USP24: variants seen among roughly 807,000 people sequenced by gnomAD.
The protein encoded by USP24 is ubiquitin specific peptidase 24.
Under a neutral mutation model 361.6 loss-of-function variants are expected in USP24, and 97 were observed. That is an observed-to-expected ratio of 0.27 (90% CI 0.23 to 0.32). The LOEUF (loss-of-function observed/expected upper bound fraction) is 0.32. Among genes scored for constraint, USP24 ranks in the 10% least tolerant of loss-of-function variants. USP24 has a pLI of 1.00. For synonymous variants in USP24, 1,098 were observed against 1,124.6 expected, an observed-to-expected ratio of 0.98 and a Z score of 0.47; for missense variants, 2,353 against 3,165.6, an observed-to-expected ratio of 0.74 and a Z score of 6.16.
intron 20 of USP24, among the ~76,000 whole-genome samples, chr1:55,145,759 T>TA (rs1647011830): frequency 6.6e-6 from 1 of 152,292 alleles, no homozygotes; most frequent in South Asian, 2.1e-4. Context: ...TAAGAAATTT[T>TA]AAAAAGACAA....
At chr1:55,115,494 T>TAAAAAAAAAA (rs1419779121) in intron 38 of USP24, among the ~76,000 whole-genome samples, 6 of 1,638 alleles carry the variant, frequency 3.7e-3, no homozygotes, top group Non-Finnish European at 0.034. Context: ...AGACTCCGCC[T>TAAAAAAAAAA]CAAAAAAAAA....
At chr1:55,078,872 C>A (rs551064020) in intron 60 of USP24, among the ~76,000 whole-genome samples, 61 of 150,176 alleles carry the variant, frequency 4.1e-4, no homozygotes, top group African/African-American at 1.4e-3. Context: ...TTTCAGGAGT[C>A]GTTTCCATCA....
chr1:55,116,351 GA>G (rs530488795), intron 38 of USP24, among the ~76,000 whole-genome samples: 5,378 of 141,966 alleles, frequency 0.038, 296 homozygotes, highest in African/African-American at 0.13. Flanking sequence ...ATACCAAAAA[GA>G]AAAAAAAAAA....
In USP24 at chr1:55,124,685, A is replaced by G. The variant is rs377259181; in HGVS notation, c.3961-57T>C. ...GCAATACTTGAACACATGCCCTGAC[A>G]TGTACAACCTTCTTACAGGTCTCAG... On this transcript the variant is annotated intron_variant, in intron 34 of 67. Coordinates refer to ENST00000294383, the MANE Select transcript of USP24 (RefSeq NM_015306.3). 2,337 of 1,585,204 alleles carry G rather than the reference A, an allele frequency of 1.5e-3. 41 individuals are homozygous for G. In the South Asian group the frequency reaches 0.024, roughly 16 times the overall value.
chr1:55,213,137 C>A lies in USP24; in HGVS notation c.324+1653G>T, dbSNP rs1644889431. Among the ~76,000 whole-genome samples, 5 of 152,166 alleles carry A rather than the reference C, an allele frequency of 3.3e-5. No individual in the cohort carries two copies. The South Asian group carries it at 1.0e-3, about 32-fold the overall frequency. Reference sequence around the variant, plus strand: ...ATACAAACACCTTCTGAAAAAGCAACGGCTTTCTTCTTGATTTCAAAACTG... The same window carrying A: ...ATACAAACACCTTCTGAAAAAGCAAAGGCTTTCTTCTTGATTTCAAAACTG... On this transcript the variant is annotated intron_variant, in intron 1 of 67. Coordinates refer to ENST00000294383, the MANE Select transcript of USP24 (RefSeq NM_015306.3).
At chr1:55,180,579 A>C (rs1469178677) in intron 1 of USP24, among the ~76,000 whole-genome samples, 3 of 152,128 alleles carry the variant, frequency 2.0e-5, no homozygotes, top group Non-Finnish European at 4.4e-5. Flanking sequence ...TCCCCACAGA[A>C]TCTACGGGCA....
chr1:55,107,275 G>A lies in USP24; in HGVS notation c.4726C>T (p.Leu1576Phe), dbSNP rs908974881. The change falls in exon 40 of 68, where the codon CTT (leucine) becomes TTT (phenylalanine). Residue 1576 changes from leucine to phenylalanine, a missense_variant. Leu to Phe is a conservative substitution (Grantham distance 22). Coordinates refer to ENST00000294383, the MANE Select transcript of USP24 (RefSeq NM_015306.3). ...TTTTCTGCCCCACAGAGTGAAAGAAGGGTCTTGATGAGGCGTAAGTGCCCT... is the reference window on the plus strand; with the variant it reads ...TTTTCTGCCCCACAGAGTGAAAGAAAGGTCTTGATGAGGCGTAAGTGCCCT... ...LAGHLRLIKT[L>F]LSLCGAEKEM... is the part of the protein sequence containing the mutation. 6.2e-7 allele frequency: 1 copy of A among 1,612,826 alleles called. No individual in the cohort carries two copies. The highest frequency in any genetic ancestry group is 1.7e-5 in the Admixed American group (1 of 59,726).
intron 2 of USP24, 65 bp from the exon 3 acceptor site, chr1:55,176,508 G>T: frequency 7.1e-7 from 1 of 1,418,184 alleles, no homozygotes; most frequent in South Asian, 1.3e-5. Context: ...TTAGTAAAAT[G>T]AATGAAATAA....
In USP24 at chr1:55,125,431, C is replaced by G. The variant is rs763605382; in HGVS notation, c.3849G>C (p.Gln1283His). The change falls in exon 34 of 68, where the codon CAG becomes CAC. Residue 1283 changes from glutamine (Q) to histidine (H), a missense_variant. By Grantham distance (24) the Gln-to-His change is conservative. Transcript: ENST00000294383. The stretch of plus-strand genomic sequence containing the variant: ...TTTCTGGGGTACCACATAAGGACAT[C>G]TGTCTGCTTGTCTGCCGGCTGACAT... The part of the protein sequence containing the change: ...FRNVSRQTSR[Q>H]MSLCGTPEKS... 4.3e-6 allele frequency: 7 copies of G among 1,613,868 alleles called. No homozygotes were observed. Among genetic ancestry groups the G allele is most frequent in the Non-Finnish European group, 5.9e-6 (7 of 1,179,886 alleles).
chr1:55,085,182 G>A (rs1006215628), intron 56 of USP24, among the ~76,000 whole-genome samples: 21 of 152,086 alleles, frequency 1.4e-4, no homozygotes, highest in Admixed American at 1.2e-3. Context: ...TTGAGATACA[G>A]TCTTTGAGGA....
chr1:55,152,910 A>C (rs1039948422), intron 16 of USP24, among the ~76,000 whole-genome samples: 1 of 152,202 alleles, frequency 6.6e-6, no homozygotes, highest in Admixed American at 6.6e-5. Flanking sequence ...TTAATATACC[A>C]ATGAAAATTA....
intron 1 of USP24, among the ~76,000 whole-genome samples, chr1:55,202,578 T>C (rs772972581): frequency 2.6e-5 from 4 of 152,146 alleles, no homozygotes; most frequent in Non-Finnish European, 4.4e-5. Context: ...CTAATTTTTG[T>C]ATTTTCAGTA....
At chr1:55,180,617 T>C (rs577980954) in intron 1 of USP24, among the ~76,000 whole-genome samples, 2 of 152,338 alleles carry the variant, frequency 1.3e-5, no homozygotes, top group East Asian at 3.9e-4. Flanking sequence ...ACGCCACTAT[T>C]CCTGAACTCA....
At chr1:55,099,960 T>C (rs1293381432) in intron 44 of USP24, 91 bp from the exon 45 acceptor site, 4 of 920,244 alleles carry the variant, frequency 4.3e-6, no homozygotes, top group African/African-American at 3.4e-5. Context: ...TAAATGCTTA[T>C]AAAAATCAGG....
rs192110608 is a variant in USP24, at chr1:55,082,538, C to A, written c.6975+734G>T. ...CATATTCAACACTATTCTAACAAAACAACCTCGGTAAGCCGAGGTGGGCAG... is the reference window on the plus strand; with the variant it reads ...CATATTCAACACTATTCTAACAAAAAAACCTCGGTAAGCCGAGGTGGGCAG... On this transcript the variant is annotated intron_variant, in intron 58 of 67. Coordinates refer to ENST00000294383, the MANE Select transcript of USP24 (RefSeq NM_015306.3). 4.4e-3 allele frequency among the ~76,000 whole-genome samples: 666 copies of A among 152,330 alleles called. 2 individuals carry two copies. Among genetic ancestry groups the A allele is most frequent in the African/African-American group, 0.016 (646 of 41,572 alleles).
chr1:55,108,200 C>T (rs1645845505), intron 39 of USP24, among the ~76,000 whole-genome samples: 1 of 152,184 alleles, frequency 6.6e-6, no homozygotes, highest in Non-Finnish European at 1.5e-5. Flanking sequence ...AGTACAGCTG[C>T]CAGAGTCCAG....
At chr1:55,116,076 G>A (rs1646107289) in intron 38 of USP24, among the ~76,000 whole-genome samples, 1 of 152,140 alleles carries the variant, frequency 6.6e-6, no homozygotes, top group Admixed American at 6.6e-5. Context: ...TAGATGACGG[G>A]TTGATGGATG....
chr1:55,202,787 T>C (rs889191693), intron 1 of USP24, among the ~76,000 whole-genome samples: 1 of 152,216 alleles, frequency 6.6e-6, no homozygotes, highest in Non-Finnish European at 1.5e-5. Context: ...GGATCACTTG[T>C]ACAAGGATGC....
At chr1:55,153,213 G>C (rs927790303) in intron 16 of USP24, among the ~76,000 whole-genome samples, 1 of 152,124 alleles carries the variant, frequency 6.6e-6, no homozygotes, top group Non-Finnish European at 1.5e-5. Context: ...GAGGCTTGAG[G>C]CTTAAGGACT....
Sources: gnomAD v4.1 joint callset for allele counts (sites outside exome capture counted in the v4.1 genomes callset) on GRCh38, gnomAD v4.1.1 for gene constraint, MANE v1.5 for transcripts, NCBI Gene and HGNC (gene_info 2026-07-23, HGNC 2026-07-21) for gene names.